Variants in BBS9 observed in about 807,000 individuals in gnomAD.
The protein encoded by BBS9 is Bardet-Biedl syndrome 9, also known as protein PTHB1.
Under a neutral mutation model 117.7 loss-of-function variants are expected in BBS9, and 89 were observed. The ratio of observed to expected loss-of-function variants is 0.76; its 90% CI spans 0.64 to 0.90. The LOEUF is 0.90. BBS9 is among the 40% of genes least tolerant of loss of function. BBS9 has a pLI of 0.00. For missense variants in BBS9, 982 were observed against 1,042.2 expected, an observed-to-expected ratio of 0.94 and a Z score of 0.80; for synonymous variants, 379 against 370.9, an observed-to-expected ratio of 1.02 and a Z score of -0.25.
At chr7:33,451,118 G>C (rs972430789) in intron 19 of BBS9, among the ~76,000 whole-genome samples, 2 of 152,046 alleles carry the variant, frequency 1.3e-5, no homozygotes, top group African/African-American at 4.8e-5. Flanking sequence ...TCGATCTCCT[G>C]ACCTCGTGAT....
At chr7:33,398,882 C>T (rs1043514313) in intron 19 of BBS9, among the ~76,000 whole-genome samples, 1 of 152,166 alleles carries the variant, frequency 6.6e-6, no homozygotes, top group African/African-American at 2.4e-5. Context: ...GACAGGCTTT[C>T]ACCATGTTGG....
intron 5 of BBS9, among the ~76,000 whole-genome samples, chr7:33,193,290 TTTTG>T (rs1276216235): frequency 6.6e-6 from 1 of 152,206 alleles, no homozygotes; most frequent in African/African-American, 2.4e-5. Flanking sequence ...TGTGTGTTTG[TTTTG>T]TTTAATTCAT....
At chr7:33,551,002 T>C (rs1252246385) in intron 21 of BBS9, among the ~76,000 whole-genome samples, 1 of 152,208 alleles carries the variant, frequency 6.6e-6, no homozygotes, top group Non-Finnish European at 1.5e-5. Flanking sequence ...TCCAGTGTCA[T>C]GTGGAAAATG....
intron 21 of BBS9, among the ~76,000 whole-genome samples, chr7:33,628,429 A>G (rs1865742221): frequency 2.6e-5 from 4 of 152,246 alleles, no homozygotes; most frequent in Admixed American, 2.6e-4. Context: ...CACTGTATTA[A>G]CAGAATATGA....
intron 9 of BBS9, among the ~76,000 whole-genome samples, chr7:33,278,474 T>C (rs1351447169): frequency 6.6e-6 from 1 of 152,184 alleles, no homozygotes. Context: ...ATTCACTAAA[T>C]AGGAAATAGC....
At chr7:33,494,041 A>G (rs1844386575) in intron 19 of BBS9, among the ~76,000 whole-genome samples, 1 of 152,206 alleles carries the variant, frequency 6.6e-6, no homozygotes, top group African/African-American at 2.4e-5. Flanking sequence ...TCCTTGTGGT[A>G]GCCCCTCTGG....
chr7:33,451,219 ACTTTTG>A (rs761566878), intron 19 of BBS9, among the ~76,000 whole-genome samples: 17 of 152,246 alleles, frequency 1.1e-4, no homozygotes, highest in South Asian at 1.0e-3. Context: ...ATATAGTTCT[ACTTTTG>A]CTTTTGTTGC....
chr7:33,412,710 C>T (rs556488973), intron 19 of BBS9, among the ~76,000 whole-genome samples: 1 of 152,290 alleles, frequency 6.6e-6, no homozygotes, highest in East Asian at 1.9e-4. Context: ...GTCTCATCAT[C>T]TTTCTGGTGT....
In BBS9 at chr7:33,146,362, A is replaced by G. The variant is rs778823074; in HGVS notation, c.110A>G (p.Gln37Arg). 4 of 1,609,802 alleles carry G rather than the reference A, an allele frequency of 2.5e-6. No homozygotes were observed. The highest frequency in any genetic ancestry group is 3.4e-6 in the Non-Finnish European group (4 of 1,176,114). ...LANVDNSGNG[Q>R]DKIIVGSFMG... ...AATGTTGACAATAGTGGAAATGGAC[A>G]AGGTAAGCAACTTACAACCATACAT... Residue 37 changes from glutamine (Q) to arginine (R), a missense_variant and splice_region_variant, in exon 2 of 23, where the codon CAA (glutamine) becomes CGA (arginine). By Grantham distance (43) the Gln-to-Arg change is conservative. Coordinates refer to ENST00000242067, the MANE Select transcript of BBS9 (RefSeq NM_198428.3).
intron 5 of BBS9, among the ~76,000 whole-genome samples, chr7:33,235,928 C>T (rs1290305579): frequency 1.3e-5 from 2 of 152,020 alleles, no homozygotes; most frequent in Non-Finnish European, 2.9e-5. Context: ...TTTATTTATT[C>T]TTGACTTTAG....
chr7:33,171,205 A>G (rs1156698269), intron 4 of BBS9, among the ~76,000 whole-genome samples: 1 of 152,166 alleles, frequency 6.6e-6, no homozygotes, highest in Non-Finnish European at 1.5e-5. Context: ...TTCAAACTAT[A>G]CTACAAGGCT....
In BBS9 at chr7:33,265,257, G is replaced by T. The variant is rs537176329; in HGVS notation, c.702+883G>T. ...AGACTATGCAGAATTTTCTGTATTA[G>T]GATACAGAAGTTCAGGAGATGGTAG... On this transcript the variant is annotated intron_variant, in intron 7 of 22. Coordinates refer to ENST00000242067, the MANE Select transcript of BBS9 (RefSeq NM_198428.3). Among the ~76,000 whole-genome samples the T allele has an allele frequency of 2.6e-5, 4 of 152,254 alleles. No individual in the cohort carries two copies. In the East Asian group the frequency reaches 7.7e-4, roughly 29 times the overall value.
chr7:33,328,581 G>A (rs1813314051), intron 9 of BBS9, among the ~76,000 whole-genome samples: 1 of 151,968 alleles, frequency 6.6e-6, no homozygotes, highest in African/African-American at 2.4e-5. Flanking sequence ...TAAAATTTGG[G>A]GTGCAATAAA....
At chr7:33,189,822 G>A (rs1222609358) in intron 5 of BBS9, among the ~76,000 whole-genome samples, 1 of 150,884 alleles carries the variant, frequency 6.6e-6, no homozygotes, top group Non-Finnish European at 1.5e-5. Flanking sequence ...GGAGGCAGAG[G>A]CTGCAGTGAG....
At chr7:33,247,300 A>G (rs1370334802) in intron 5 of BBS9, among the ~76,000 whole-genome samples, 1 of 152,172 alleles carries the variant, frequency 6.6e-6, no homozygotes, top group Non-Finnish European at 1.5e-5. Context: ...ATCATGTAAT[A>G]TTCTCTTCTT....
intron 20 of BBS9, among the ~76,000 whole-genome samples, chr7:33,520,722 G>T (rs75139922): frequency 0.019 from 2,929 of 152,244 alleles, 100 homozygotes; most frequent in African/African-American, 0.067. Context: ...ATAAGTGAAG[G>T]CTCAGTGTTG....
chr7:33,158,094 A>G (rs929373925), intron 4 of BBS9, among the ~76,000 whole-genome samples: 8 of 152,194 alleles, frequency 5.3e-5, no homozygotes, highest in Admixed American at 2.0e-4. Flanking sequence ...TAGAATTTTA[A>G]TGGTTTCCAT....
intron 21 of BBS9, among the ~76,000 whole-genome samples, chr7:33,624,625 T>A (rs1865557274): frequency 6.6e-6 from 1 of 152,252 alleles, no homozygotes; most frequent in Non-Finnish European, 1.5e-5. Flanking sequence ...TAACCCTGTA[T>A]CAGCTTCATG....
downstream of BBS9, among the ~76,000 whole-genome samples, chr7:33,609,167 T>C (rs1864739581): frequency 6.6e-6 from 1 of 152,152 alleles, no homozygotes; most frequent in Admixed American, 6.6e-5. Context: ...CAAATGGCTG[T>C]AGGCGTGTGA....
Sources: allele counts gnomAD v4.1 joint callset (sites outside exome capture counted in the v4.1 genomes callset), GRCh38; gene constraint gnomAD v4.1.1; transcripts MANE v1.5; gene names NCBI Gene and HGNC (gene_info 2026-07-23, HGNC 2026-07-21).